CTNND2: variants seen among roughly 807,000 people sequenced by gnomAD.
CTNND2 encodes the protein catenin delta-2.
A neutral mutation model predicts 144.4 loss-of-function variants in CTNND2; 22 were observed. That is an observed-to-expected ratio of 0.15 (90% CI 0.11 to 0.22). The LOEUF (loss-of-function observed/expected upper bound fraction) is 0.22, where lower values mean the gene tolerates loss of function less well. Ranked by LOEUF, CTNND2 falls within the 10% of genes least tolerant of loss-of-function variation. CTNND2 has a pLI of 1.00. For missense variants in CTNND2, 1,353 were observed against 1,618.8 expected, an observed-to-expected ratio of 0.84 and a Z score of 2.82; for synonymous variants, 751 against 695.6, an observed-to-expected ratio of 1.08 and a Z score of -1.25.
chr5:11,336,444 A>G (rs1753735340), intron 9 of CTNND2, among the ~76,000 whole-genome samples: 2 of 152,340 alleles, frequency 1.3e-5, no homozygotes, highest in Admixed American at 6.5e-5. Context: ...ATACTTCTAT[A>G]AGGAAAACAA....
At chr5:11,614,301 A>T (rs1405952778) in intron 2 of CTNND2, among the ~76,000 whole-genome samples, 1 of 152,200 alleles carries the variant, frequency 6.6e-6, no homozygotes, top group Non-Finnish European at 1.5e-5. Flanking sequence ...CAGGTTAAAA[A>T]ATGTGCCTGA....
chr5:11,510,288 A>C (rs1771517497), intron 3 of CTNND2, among the ~76,000 whole-genome samples: 1 of 152,114 alleles, frequency 6.6e-6, no homozygotes, highest in Admixed American at 6.5e-5. Context: ...AACCCTTGGC[A>C]ACTAAAAAAT....
intron 2 of CTNND2, among the ~76,000 whole-genome samples, chr5:11,691,596 T>G (rs1784912554): frequency 6.6e-6 from 1 of 151,866 alleles, no homozygotes; most frequent in African/African-American, 2.4e-5. Flanking sequence ...AAAGAAACTT[T>G]AAATATATAA....
intron 16 of CTNND2, among the ~76,000 whole-genome samples, chr5:11,080,108 A>T (rs1457388053): frequency 2.0e-5 from 3 of 152,238 alleles, no homozygotes; most frequent in African/African-American, 7.2e-5. Flanking sequence ...TATATAAAGA[A>T]TTCAAACAAT....
intron 1 of CTNND2, among the ~76,000 whole-genome samples, chr5:11,868,036 T>C (rs772508749): frequency 2.6e-5 from 4 of 151,886 alleles, no homozygotes; most frequent in Non-Finnish European, 5.9e-5. Flanking sequence ...AGGGGCAGGA[T>C]AGACAGAGTC....
intron 2 of CTNND2, among the ~76,000 whole-genome samples, chr5:11,680,760 A>C (rs537617614): frequency 6.6e-6 from 1 of 152,304 alleles, no homozygotes; most frequent in African/African-American, 2.4e-5. Flanking sequence ...AGAGGAGGTC[A>C]GGATGAACAG....
chr5:11,589,316 A>ACACACACACG (rs1215796926), intron 2 of CTNND2, among the ~76,000 whole-genome samples: 60 of 108,900 alleles, frequency 5.5e-4, no homozygotes, highest in Non-Finnish European at 7.4e-4. Flanking sequence ...CACACACGAC[A>ACACACACACG]ACAACAACAA....
chr5:11,099,071 T>C (rs1316436195), intron 14 of CTNND2, among the ~76,000 whole-genome samples: 4 of 152,182 alleles, frequency 2.6e-5, no homozygotes, highest in Non-Finnish European at 5.9e-5. Context: ...GATGAATTAA[T>C]TTTGATTGAG....
intron 9 of CTNND2, among the ~76,000 whole-genome samples, chr5:11,257,320 G>C (rs181078936): frequency 6.6e-6 from 1 of 152,202 alleles, no homozygotes; most frequent in African/African-American, 2.4e-5. Flanking sequence ...GACTGCAGGA[G>C]TCATGGGAAT....
At chr5:11,085,684 T>C (rs1302470848) in intron 15 of CTNND2, among the ~76,000 whole-genome samples, 1 of 152,106 alleles carries the variant, frequency 6.6e-6, no homozygotes, top group Non-Finnish European at 1.5e-5. Context: ...AGAAAATAAT[T>C]TGCCCTCTCC....
intron 3 of CTNND2, among the ~76,000 whole-genome samples, chr5:11,516,744 G>A (rs1044309706): frequency 2.0e-5 from 3 of 152,134 alleles, no homozygotes; most frequent in African/African-American, 7.2e-5. Flanking sequence ...GGCAATACTT[G>A]CCCAATTAAT....
At chr5:11,454,475 T>G (rs1765561439) in intron 3 of CTNND2, among the ~76,000 whole-genome samples, 2 of 152,164 alleles carry the variant, frequency 1.3e-5, no homozygotes. Context: ...AATATTTGTA[T>G]ATGTTCAAAA....
chr5:11,111,927 A>C (rs1322599891), intron 13 of CTNND2, among the ~76,000 whole-genome samples: 1 of 151,408 alleles, frequency 6.6e-6, no homozygotes, highest in African/African-American at 2.4e-5. Context: ...GCTCACTGCA[A>C]GCTCCGCCTC....
At chr5:11,352,594 C>T (rs979539826) in intron 8 of CTNND2, among the ~76,000 whole-genome samples, 4 of 152,060 alleles carry the variant, frequency 2.6e-5, no homozygotes, top group South Asian at 2.1e-4. Context: ...TAAGGTACTA[C>T]GGTCATGTTG....
In CTNND2 at chr5:11,894,042, A is replaced by T. The variant is rs142290808; in HGVS notation, c.37+9775T>A. Among the ~76,000 whole-genome samples, 102 of 152,184 alleles carry T rather than the reference A, an allele frequency of 6.7e-4. No homozygotes were observed. The East Asian group carries it at 0.018, about 27-fold the overall frequency. On this transcript the variant is annotated intron_variant, in intron 1 of 21. Transcript: ENST00000304623. The stretch of plus-strand genomic sequence containing the variant: ...ATTAGATTTCTGTAACTTACACATG[A>T]TTTCTTCCTATTGGCAGACTACAGT...
At chr5:11,159,952 G>C (rs1202360317) in intron 11 of CTNND2, among the ~76,000 whole-genome samples, 193 bp from the exon 12 acceptor site, 1 of 152,234 alleles carries the variant, frequency 6.6e-6, no homozygotes, top group Admixed American at 6.5e-5. Context: ...AATCTGATGA[G>C]TGAGCAGAGG....
At chr5:11,121,217 C>T (rs971617892) in intron 12 of CTNND2, among the ~76,000 whole-genome samples, 1 of 152,160 alleles carries the variant, frequency 6.6e-6, no homozygotes, top group Non-Finnish European at 1.5e-5. Flanking sequence ...AAAATAAACA[C>T]CCTGATAACC....
intron 2 of CTNND2, among the ~76,000 whole-genome samples, chr5:11,612,790 C>T (rs1780395633): frequency 1.3e-5 from 2 of 152,088 alleles, no homozygotes; most frequent in African/African-American, 4.8e-5. Context: ...GTCCCATCAA[C>T]TTGGGAGGTT....
intron 2 of CTNND2, among the ~76,000 whole-genome samples, chr5:11,693,758 C>A (rs185009623): frequency 2.6e-5 from 4 of 152,230 alleles, no homozygotes; most frequent in Admixed American, 2.0e-4. Context: ...AAACACAGTA[C>A]GATTGATTCT....
Sources: allele counts gnomAD v4.1 joint callset (sites outside exome capture counted in the v4.1 genomes callset), GRCh38; gene constraint gnomAD v4.1.1; transcripts MANE v1.5; gene names NCBI Gene and HGNC (gene_info 2026-07-23, HGNC 2026-07-21).